Variants in SGIP1 observed in about 807,000 individuals in gnomAD.
SGIP1 encodes the protein SH3-containing GRB2-like protein 3-interacting protein 1.
In SGIP1, 38 loss-of-function variants were observed where a neutral mutation model predicts 107.5. That is an observed-to-expected ratio of 0.35 (90% CI 0.27 to 0.46). The LOEUF is 0.46. SGIP1 is among the 20% of genes least tolerant of loss of function. The pLI is 1.00. For missense variants in SGIP1, 929 were observed against 1,019.5 expected (o/e 0.91, Z 1.21); for synonymous variants, 365 against 366.1 (o/e 1.00, Z 0.03).
intron 1 of SGIP1, among the ~76,000 whole-genome samples, chr1:66,617,308 T>C (rs1012142389): frequency 5.4e-5 from 8 of 147,512 alleles, no homozygotes; most frequent in Middle Eastern, 3.7e-3. Flanking sequence ...CGGGAAATCA[T>C]AAATATCATT....
chr1:66,537,561 G>T (rs1237786264), intron 1 of SGIP1, among the ~76,000 whole-genome samples: 2 of 152,012 alleles, frequency 1.3e-5, no homozygotes, highest in Admixed American at 6.6e-5. Context: ...CCCAACTGAA[G>T]GCGTTTTGCG....
intron 18 of SGIP1, among the ~76,000 whole-genome samples, chr1:66,697,827 T>C (rs2091215643): frequency 6.6e-6 from 1 of 152,176 alleles, no homozygotes; most frequent in South Asian, 2.1e-4. Flanking sequence ...TAAATTTTTA[T>C]ACTGCAAAAA....
chr1:66,707,222 A>G (rs1387416967), intron 18 of SGIP1, among the ~76,000 whole-genome samples: 6 of 152,120 alleles, frequency 3.9e-5, no homozygotes, highest in African/African-American at 1.4e-4. Flanking sequence ...AAGTGTAGAA[A>G]AGCATTTTTT....
In SGIP1 at chr1:66,750,165, T is replaced by G. The variant is rs2094606798; in HGVS notation, c.*7070T>G. Among the ~76,000 whole-genome samples the G allele has an allele frequency of 6.6e-6, 1 of 152,262 alleles. No homozygotes were observed. Among genetic ancestry groups the G allele is most frequent in the Admixed American group, 6.5e-5 (1 of 15,280 alleles). On this transcript the variant is annotated 3_prime_UTR_variant, in exon 25 of 25. Coordinates refer to ENST00000371037, the MANE Select transcript of SGIP1 (RefSeq NM_032291.4). ...GATATGATGATATATTAATCTTATC[T>G]ATGAACAGAGCTTCACCACAGGCCA...
At chr1:66,648,810 A>T (rs2078156596) in intron 7 of SGIP1, among the ~76,000 whole-genome samples, 1 of 152,206 alleles carries the variant, frequency 6.6e-6, no homozygotes, top group Non-Finnish European at 1.5e-5. Flanking sequence ...CATATCACAT[A>T]GATTCAGATT....
intron 1 of SGIP1, among the ~76,000 whole-genome samples, chr1:66,563,348 A>G (rs1334846699): frequency 1.3e-5 from 2 of 151,992 alleles, no homozygotes; most frequent in Admixed American, 1.3e-4. Context: ...GGAACATGCC[A>G]TGTTGCAGCA....
intron 18 of SGIP1, among the ~76,000 whole-genome samples, chr1:66,701,895 C>T (rs963690990): frequency 6.6e-6 from 1 of 152,188 alleles, no homozygotes; most frequent in African/African-American, 2.4e-5. Context: ...GTACAGAATT[C>T]ATGTTAGAAT....
At chr1:66,591,985 T>C (rs530768879) in intron 1 of SGIP1, among the ~76,000 whole-genome samples, 1 of 152,296 alleles carries the variant, frequency 6.6e-6, no homozygotes, top group South Asian at 2.1e-4. Context: ...ATAAGGTGGT[T>C]TTCTCCTATC....
intron 1 of SGIP1, among the ~76,000 whole-genome samples, chr1:66,552,872 A>G (rs17434186): frequency 2.0e-5 from 3 of 152,196 alleles, no homozygotes; most frequent in East Asian, 3.9e-4. Flanking sequence ...TTCAACCACT[A>G]TAAGGAAAAC....
At chr1:66,560,566 TGG>T (rs1257547252) in intron 1 of SGIP1, among the ~76,000 whole-genome samples, 2 of 152,116 alleles carry the variant, frequency 1.3e-5, no homozygotes, top group Non-Finnish European at 2.9e-5. Context: ...ATAACATTCC[TGG>T]GAGACCCAGT....
chr1:66,618,445 A>G (rs2070027836), intron 1 of SGIP1, among the ~76,000 whole-genome samples: 1 of 152,256 alleles, frequency 6.6e-6, no homozygotes, highest in Non-Finnish European at 1.5e-5. Flanking sequence ...TTTTTAAGAA[A>G]TTGTTTAACA....
chr1:66,542,353 T>A (rs2055179620), intron 1 of SGIP1, among the ~76,000 whole-genome samples: 1 of 152,340 alleles, frequency 6.6e-6, no homozygotes, highest in South Asian at 2.1e-4. Context: ...ATGCGGTGTC[T>A]GTCTCAAAAT....
chr1:66,688,007 C>T (rs1557632248), intron 15 of SGIP1, among the ~76,000 whole-genome samples: 1 of 152,164 alleles, frequency 6.6e-6, no homozygotes, highest in Non-Finnish European at 1.5e-5. Flanking sequence ...TGCTGCTCAA[C>T]TTCAAAGCTT....
chr1:66,639,053 G>T (rs909755854), intron 4 of SGIP1, among the ~76,000 whole-genome samples: 1 of 152,188 alleles, frequency 6.6e-6, no homozygotes, highest in African/African-American at 2.4e-5. Context: ...CATGTGTCAT[G>T]GTTGTACTAG....
intron 19 of SGIP1, among the ~76,000 whole-genome samples, chr1:66,726,736 T>C (rs997337888): frequency 2.6e-5 from 4 of 152,212 alleles, no homozygotes; most frequent in Admixed American, 2.6e-4. Context: ...CTATATACAT[T>C]GTAAGACTAA....
At position 66,637,440 on chromosome 1, in the gene SGIP1, CGTGTGTGTGTGTGTTT is replaced by C. The variant is rs1436226789; in HGVS notation, c.171+1440_171+1455del. ...TGAGACCAAATTCCTCTAATAAAGC[CGTGTGTGTGTGTGTTT>C]GTGTGTGTGTGTGTGTGTGTGTGTG... On this transcript the variant is annotated intron_variant, in intron 4 of 24. Coordinates refer to ENST00000371037, the MANE Select transcript of SGIP1 (RefSeq NM_032291.4). Among the ~76,000 whole-genome samples, 177 of 112,458 alleles carry C rather than the reference CGTGTGTGTGTGTGTTT, an allele frequency of 1.6e-3. 1 individual carries two copies. Among genetic ancestry groups the C allele is most frequent in the African/African-American group, 7.1e-3 (166 of 23,374 alleles). The allele number at this position is 112,458 out of a possible 152,430, so 73.8% of individuals were successfully genotyped here. A position where few individuals can be genotyped will look rare whatever the true frequency, so the allele number is the denominator to read the frequency against.
intron 20 of SGIP1, among the ~76,000 whole-genome samples, chr1:66,732,448 AAGGACC>A (rs907837813): frequency 2.7e-4 from 41 of 152,290 alleles, no homozygotes; most frequent in African/African-American, 9.4e-4. Context: ...GCAAAGTCTT[AAGGACC>A]AGGTGTATTT....
intron 1 of SGIP1, among the ~76,000 whole-genome samples, chr1:66,556,479 G>T (rs541480588): frequency 6.6e-6 from 1 of 152,126 alleles, no homozygotes; most frequent in South Asian, 2.1e-4. Context: ...GATTGAGTTG[G>T]CTCAACTTGA....
intron 18 of SGIP1, among the ~76,000 whole-genome samples, chr1:66,714,074 A>G (rs1410055695): frequency 6.6e-6 from 1 of 152,192 alleles, no homozygotes; most frequent in Non-Finnish European, 1.5e-5. Context: ...TCACCCTGAC[A>G]AAAATGACAG....
Sources: allele counts gnomAD v4.1 joint callset (sites outside exome capture counted in the v4.1 genomes callset), GRCh38; gene constraint gnomAD v4.1.1; transcripts MANE v1.5; gene names NCBI Gene and HGNC (gene_info 2026-07-23, HGNC 2026-07-21).